The following TNIK variants were observed in gnomAD, a reference collection of about 807,000 sequenced individuals.
The protein encoded by TNIK is TRAF2 and NCK-interacting protein kinase.
A neutral mutation model predicts 191.3 loss-of-function variants in TNIK; 49 were observed. The ratio of observed to expected loss-of-function variants is 0.26; its 90% confidence interval spans 0.20 to 0.32. TNIK has a LOEUF of 0.32. Among genes scored for constraint, TNIK ranks in the 10% least tolerant of loss-of-function variants. The probability of loss-of-function intolerance (pLI) is 1.00; values close to 1 mark genes in which losing one functional copy is unlikely to be tolerated. For synonymous variants in TNIK, 594 were observed against 600.9 expected (o/e 0.99, Z 0.17); for missense variants, 1,155 against 1,702.3 (o/e 0.68, Z 5.66).
chr3:171,088,292 T>TGG (rs1298837482), intron 23 of TNIK, among the ~76,000 whole-genome samples: 1 of 151,592 alleles, frequency 6.6e-6, no homozygotes, highest in East Asian at 1.9e-4. Flanking sequence ...TGGAGTGCAG[T>TGG]GGCGCGATCT....
At chr3:171,358,344 G>T (rs1374116877) in intron 2 of TNIK, among the ~76,000 whole-genome samples, 1 of 152,164 alleles carries the variant, frequency 6.6e-6, no homozygotes, top group East Asian at 1.9e-4. Flanking sequence ...GTCATGGCCG[G>T]AAGTGAATGA....
intron 1 of TNIK, among the ~76,000 whole-genome samples, chr3:171,430,881 CAGG>C: frequency 6.6e-6 from 1 of 151,958 alleles, no homozygotes; most frequent in East Asian, 1.9e-4. Flanking sequence ...ATGGTGAATA[CAGG>C]AGAAGATAGC....
At chr3:171,195,306 G>T (rs1738555003) in intron 4 of TNIK, among the ~76,000 whole-genome samples, 1 of 152,154 alleles carries the variant, frequency 6.6e-6, no homozygotes, top group African/African-American at 2.4e-5. Context: ...GAGACCATTT[G>T]AGAAAAAAGC....
At chr3:171,302,011 T>C (rs901473402) in intron 2 of TNIK, among the ~76,000 whole-genome samples, 11 of 152,186 alleles carry the variant, frequency 7.2e-5, no homozygotes, top group African/African-American at 2.7e-4. Flanking sequence ...TGGCGAAATG[T>C]TCACATTGTC....
At chr3:171,395,012 C>G (rs1017821528) in intron 1 of TNIK, among the ~76,000 whole-genome samples, 2 of 152,168 alleles carry the variant, frequency 1.3e-5, no homozygotes, top group Admixed American at 6.6e-5. Flanking sequence ...AACAAATGCT[C>G]TCTGCATTAT....
chr3:171,172,928 G>C (rs901592324), intron 9 of TNIK, among the ~76,000 whole-genome samples: 2 of 152,146 alleles, frequency 1.3e-5, no homozygotes, highest in African/African-American at 4.8e-5. Flanking sequence ...AGACTGCATT[G>C]TCCTAAAAGT....
At chr3:171,362,019 C>G (rs1292164674) in intron 2 of TNIK, among the ~76,000 whole-genome samples, 1 of 152,128 alleles carries the variant, frequency 6.6e-6, no homozygotes, top group Non-Finnish European at 1.5e-5. Flanking sequence ...CTGCTCCACA[C>G]CCCTTCACTA....
intron 26 of TNIK, 69 bp from the exon 27 acceptor site, chr3:171,082,463 A>G (rs1363076570): frequency 3.2e-5 from 50 of 1,541,516 alleles, no homozygotes; most frequent in Non-Finnish European, 4.2e-5. Context: ...GAGAGTCCCT[A>G]TAAAATTTAA....
rs148746957 is a variant in TNIK, at chr3:171,210,596, TTA to T, written c.306+518_306+519del. On this transcript the variant is annotated intron_variant, in intron 4 of 32. Transcript: ENST00000436636. ...GGTATTTTACTTACAGAGTTAAAGT[TTA>T]TGTTTCAGTCGCCCACTCATCAGCG... Among the ~76,000 whole-genome samples, 466 of 152,282 alleles carry T rather than the reference TTA, an allele frequency of 3.1e-3. 2 individuals are homozygous for T. The Middle Eastern group carries it at 0.034, about 11-fold the overall frequency.
chr3:171,455,619 A>T (rs772927592), intron 1 of TNIK, among the ~76,000 whole-genome samples: 1 of 152,208 alleles, frequency 6.6e-6, no homozygotes, highest in Non-Finnish European at 1.5e-5. Context: ...CTACTTAACC[A>T]TGGGATAGCA....
At chr3:171,134,658 G>T (rs528382731) in intron 15 of TNIK, among the ~76,000 whole-genome samples, 1 of 152,160 alleles carries the variant, frequency 6.6e-6, no homozygotes, top group Admixed American at 6.5e-5. Flanking sequence ...AGGACAGAAA[G>T]AATACTCAGT....
At chr3:171,201,432 T>C (rs1187742086) in intron 4 of TNIK, among the ~76,000 whole-genome samples, 1 of 151,742 alleles carries the variant, frequency 6.6e-6, no homozygotes, top group Non-Finnish European at 1.5e-5. Flanking sequence ...TAAATAAAAA[T>C]AAATAATAGG....
At chr3:171,346,631 T>C (rs1012508198) in intron 2 of TNIK, among the ~76,000 whole-genome samples, 8 of 151,928 alleles carry the variant, frequency 5.3e-5, no homozygotes, top group African/African-American at 1.9e-4. Context: ...GTGCCGGGGG[T>C]ATGAAAGCCC....
At position 171,424,909 on chromosome 3, in the gene TNIK, A is replaced by G. The variant is rs568209192; in HGVS notation, c.57+35098T>C. Among the ~76,000 whole-genome samples the G allele has an allele frequency of 2.6e-5, 4 of 151,816 alleles. No homozygotes were observed. In the East Asian group the frequency reaches 5.8e-4, roughly 22 times the overall value. On this transcript the variant is annotated intron_variant, in intron 1 of 32. Transcript: ENST00000436636. Reference sequence around the variant, plus strand: ...AATGACAAGTTAATGGGTGCAGCACACCAACATGGCACATGTATATATATG... The same window carrying G: ...AATGACAAGTTAATGGGTGCAGCACGCCAACATGGCACATGTATATATATG...
At chr3:171,458,895 A>G (rs552805001) in intron 1 of TNIK, among the ~76,000 whole-genome samples, 26 of 152,102 alleles carry the variant, frequency 1.7e-4, no homozygotes, top group Non-Finnish European at 3.5e-4. Flanking sequence ...AATCCTTCTC[A>G]GACACCCGCT....
rs149408171 is a variant in TNIK, at chr3:171,392,140, A to G, written c.58-22455T>C. On this transcript the variant is annotated intron_variant, in intron 1 of 32. Coordinates refer to ENST00000436636, the MANE Select transcript of TNIK (RefSeq NM_015028.4). ...TCAGCTAATTCATTAAAAAGAAATTACATTATATGCCCCATTACATTTCAT... is the reference window on the plus strand; with the variant it reads ...TCAGCTAATTCATTAAAAAGAAATTGCATTATATGCCCCATTACATTTCAT... Among the ~76,000 whole-genome samples the G allele has an allele frequency of 2.0e-3, 310 of 152,330 alleles. 1 individual carries two copies. The highest frequency in any genetic ancestry group is 7.1e-3 in the African/African-American group (297 of 41,576).
chr3:171,105,803 G>A (rs1471765012), intron 21 of TNIK, among the ~76,000 whole-genome samples: 2 of 152,078 alleles, frequency 1.3e-5, no homozygotes. Context: ...CTTGAGTTCT[G>A]CACATGCACA....
chr3:171,291,160 C>T (rs1751638680), intron 2 of TNIK, among the ~76,000 whole-genome samples: 1 of 152,188 alleles, frequency 6.6e-6, no homozygotes, highest in South Asian at 2.1e-4. Flanking sequence ...CATCCTCCCA[C>T]CGCCATAGTA....
chr3:171,084,416 G>T, intron 25 of TNIK, 91 bp from the exon 26 acceptor site: 2 of 1,428,442 alleles, frequency 1.4e-6, no homozygotes, highest in South Asian at 1.5e-5. Flanking sequence ...CTCCTTGTTT[G>T]GTTTGAATTA....
Sources: allele counts gnomAD v4.1 joint callset (sites outside exome capture counted in the v4.1 genomes callset), GRCh38; gene constraint gnomAD v4.1.1; transcripts MANE v1.5; gene names NCBI Gene and HGNC (gene_info 2026-07-23, HGNC 2026-07-21).